The following ANKRD6 variants were observed in gnomAD, a reference collection of about 807,000 sequenced individuals.
ANKRD6 encodes the protein ankyrin repeat domain-containing protein 6.
A neutral mutation model predicts 82.3 loss-of-function variants in ANKRD6; 56 were observed. The ratio of observed to expected loss-of-function variants is 0.68; its 90% CI spans 0.55 to 0.85. The LOEUF (loss-of-function observed/expected upper bound fraction) is 0.85, where lower values mean the gene tolerates loss of function less well. Ranked by LOEUF, ANKRD6 falls within the 40% of genes least tolerant of loss-of-function variation. ANKRD6 has a pLI of 0.00. For synonymous variants in ANKRD6, 347 were observed against 352.1 expected, an observed-to-expected ratio of 0.99 and a Z score of 0.16; for missense variants, 852 against 907.6, an observed-to-expected ratio of 0.94 and a Z score of 0.79.
intron 1 of ANKRD6, among the ~76,000 whole-genome samples, chr6:89,492,484 C>T (rs9451229): frequency 8.9e-4 from 135 of 152,254 alleles, no homozygotes; most frequent in Middle Eastern, 3.4e-3. Flanking sequence ...GAGTAATGCT[C>T]CCTGATATGT....
At chr6:89,582,920 G>A (rs765426371) in intron 2 of ANKRD6, among the ~76,000 whole-genome samples, 1 of 152,200 alleles carries the variant, frequency 6.6e-6, no homozygotes, top group Non-Finnish European at 1.5e-5. Context: ...AGAGCTCAAC[G>A]GATGGGAGTT....
intron 1 of ANKRD6, among the ~76,000 whole-genome samples, chr6:89,475,034 A>C (rs1467851920): frequency 2.0e-5 from 3 of 152,096 alleles, no homozygotes; most frequent in South Asian, 2.1e-4. Flanking sequence ...TTGTATTCCA[A>C]GTTTAACTTA....
At position 89,612,326 on chromosome 6, in the gene ANKRD6, C is replaced by T. The variant is rs753650260; in HGVS notation, c.472C>T (p.Arg158Cys). Residue 158 changes from arginine (R) to cysteine (C), a missense_variant, in exon 6 of 16, where the codon CGC (arginine) becomes TGC (cysteine). Arg to Cys is a radical substitution (Grantham distance 180). Transcript: ENST00000339746. ...ACQNSHSQSTRVLLLAGSRAD... is the reference protein window; with the variant it reads ...ACQNSHSQSTCVLLLAGSRAD... ...CCAGAACAGCCACTCCCAGAGCACG[C>T]GCGTCCTCCTGCTGGCCGGGTCCCG... 2.0e-5 allele frequency: 32 copies of T among 1,566,036 alleles called. No homozygotes were observed. The highest frequency in any genetic ancestry group is 7.1e-5 in the East Asian group (3 of 42,280).
chr6:89,587,190 CAAAAA>C (rs36065437), intron 2 of ANKRD6, among the ~76,000 whole-genome samples: 1 of 84,278 alleles, frequency 1.2e-5, no homozygotes, highest in Non-Finnish European at 2.4e-5. Flanking sequence ...AACTCCGTCT[CAAAAA>C]AAAAAAAAAA....
At chr6:89,593,310 G>C (rs1472962865) in intron 2 of ANKRD6, among the ~76,000 whole-genome samples, 1 of 152,212 alleles carries the variant, frequency 6.6e-6, no homozygotes, top group Non-Finnish European at 1.5e-5. Context: ...CCTTGACAAG[G>C]ATATGTGGTG....
intron 14 of ANKRD6, among the ~76,000 whole-genome samples, chr6:89,628,018 G>A (rs780806820): frequency 1.3e-5 from 2 of 152,118 alleles, no homozygotes; most frequent in Non-Finnish European, 2.9e-5. Flanking sequence ...CTACCCTCAG[G>A]GAGTTTACTG....
intron 2 of ANKRD6, among the ~76,000 whole-genome samples, chr6:89,586,340 A>G (rs774433573): frequency 3.2e-4 from 49 of 152,210 alleles, no homozygotes; most frequent in Admixed American, 4.6e-4. Context: ...ATATCCAACC[A>G]TAGTTCATCA....
At chr6:89,608,601 G>C (rs1185346290) in intron 5 of ANKRD6, among the ~76,000 whole-genome samples, 1 of 151,976 alleles carries the variant, frequency 6.6e-6, no homozygotes, top group East Asian at 1.9e-4. Context: ...GTGGGAGCAA[G>C]AGAACCCACC....
At chr6:89,532,975 G>A (rs1258508778) in intron 1 of ANKRD6, among the ~76,000 whole-genome samples, 1 of 151,828 alleles carries the variant, frequency 6.6e-6, no homozygotes, top group Non-Finnish European at 1.5e-5. Flanking sequence ...CCAGGTTCAA[G>A]CGATTCTCCT....
chr6:89,610,814 A>C (rs1432203251), intron 5 of ANKRD6, among the ~76,000 whole-genome samples: 1 of 152,004 alleles, frequency 6.6e-6, no homozygotes, highest in South Asian at 2.1e-4. Flanking sequence ...AAAAAAAAAA[A>C]AAACCTGAAG....
At chr6:89,587,249 G>A (rs941277322) in intron 2 of ANKRD6, among the ~76,000 whole-genome samples, 1 of 151,000 alleles carries the variant, frequency 6.6e-6, no homozygotes, top group African/African-American at 2.4e-5. Flanking sequence ...CCAACACTTC[G>A]GGAGGCCGAG....
At chr6:89,600,896 G>C (rs1796995501) in intron 3 of ANKRD6, among the ~76,000 whole-genome samples, 1 of 151,980 alleles carries the variant, frequency 6.6e-6, no homozygotes, top group Non-Finnish European at 1.5e-5. Flanking sequence ...AAAAAATTAG[G>C]CATGGTGGCA....
intron 2 of ANKRD6, among the ~76,000 whole-genome samples, chr6:89,568,847 T>C (rs1789118410): frequency 6.6e-6 from 1 of 152,122 alleles, no homozygotes; most frequent in South Asian, 2.1e-4. Flanking sequence ...AATCTCTTGT[T>C]CTGGCAACCT....
At chr6:89,525,249 G>T (rs1221464710) in intron 1 of ANKRD6, among the ~76,000 whole-genome samples, 1 of 149,138 alleles carries the variant, frequency 6.7e-6, no homozygotes, top group Non-Finnish European at 1.5e-5. Flanking sequence ...AGTTGAGATT[G>T]TGCTGTTGCA....
At chr6:89,496,821 T>C (rs370454457) in intron 1 of ANKRD6, among the ~76,000 whole-genome samples, 10 of 152,350 alleles carry the variant, frequency 6.6e-5, no homozygotes, top group Admixed American at 3.3e-4. Flanking sequence ...CAACAAACTT[T>C]TATTATGTTT....
At chr6:89,480,391 C>T (rs1776645097) in intron 1 of ANKRD6, among the ~76,000 whole-genome samples, 1 of 152,166 alleles carries the variant, frequency 6.6e-6, no homozygotes, top group Non-Finnish European at 1.5e-5. Flanking sequence ...TCAGGAATGA[C>T]AGGGTGCTCT....
In ANKRD6 at chr6:89,551,786, G is replaced by A. The variant is rs543168190; in HGVS notation, c.-143-15048G>A. ...TGCTGAATCTCAGCTAATTTTTGTTGTAGAAATAATTTGCCTATGATAATA... is the reference window on the plus strand; with the variant it reads ...TGCTGAATCTCAGCTAATTTTTGTTATAGAAATAATTTGCCTATGATAATA... On this transcript the variant is annotated intron_variant, in intron 1 of 15. Transcript: ENST00000339746. Among the ~76,000 whole-genome samples the A allele has an allele frequency of 2.0e-5, 3 of 152,306 alleles. 1 individual carries two copies. In the South Asian group the frequency reaches 6.2e-4, roughly 32 times the overall value.
At chr6:89,626,064 A>G (rs1805570511) in intron 13 of ANKRD6, among the ~76,000 whole-genome samples, 4 of 152,224 alleles carry the variant, frequency 2.6e-5, no homozygotes, top group Admixed American at 2.6e-4. Context: ...TGCCAAATTG[A>G]TTAAGGACAT....
At chr6:89,455,355 T>G (rs1582686984) in intron 1 of ANKRD6, among the ~76,000 whole-genome samples, 1 of 151,652 alleles carries the variant, frequency 6.6e-6, no homozygotes, top group Admixed American at 6.6e-5. Context: ...TGGTGGAAGG[T>G]GAAGGGGGAG....
Sources: gnomAD v4.1 joint callset for allele counts (sites outside exome capture counted in the v4.1 genomes callset) on GRCh38, gnomAD v4.1.1 for gene constraint, MANE v1.5 for transcripts, NCBI Gene and HGNC (gene_info 2026-07-23, HGNC 2026-07-21) for gene names.